The following ZMAT4 variants were observed in gnomAD, a reference collection of about 807,000 sequenced individuals.
ZMAT4 encodes zinc finger matrin-type 4.
Under a neutral mutation model 28.7 loss-of-function variants are expected in ZMAT4, and 17 were observed. That is an observed-to-expected ratio of 0.59 (90% CI 0.41 to 0.89). The LOEUF (loss-of-function observed/expected upper bound fraction) is 0.89, where lower values mean the gene tolerates loss of function less well. Among genes scored for constraint, ZMAT4 ranks in the 40% least tolerant of loss-of-function variants. The pLI is 0.00. For missense variants in ZMAT4, 240 were observed against 283.8 expected (o/e 0.85, Z 1.11); for synonymous variants, 117 against 109.2 (o/e 1.07, Z -0.44).
intron 3 of ZMAT4, among the ~76,000 whole-genome samples, chr8:40,767,358 C>T (rs979928132): frequency 6.6e-6 from 1 of 152,178 alleles, no homozygotes; most frequent in Non-Finnish European, 1.5e-5. Flanking sequence ...CCTGCCTCCC[C>T]TTACCCAGCC....
intron 1 of ZMAT4, 69 bp from the exon 2 acceptor site, chr8:40,825,749 A>T: frequency 7.8e-7 from 1 of 1,280,144 alleles, no homozygotes; most frequent in Non-Finnish European, 1.1e-6. Context: ...TATTAACCGT[A>T]TGAAAAGCCA....
intron 1 of ZMAT4, among the ~76,000 whole-genome samples, chr8:40,891,155 A>G (rs1024844239): frequency 4.5e-5 from 6 of 132,868 alleles, no homozygotes; most frequent in African/African-American, 1.7e-4. Context: ...CCATAATTGC[A>G]CCATTGCACT....
chr8:40,825,795 G>A (rs1816014018), intron 1 of ZMAT4, 115 bp from the exon 2 acceptor site: 3 of 732,912 alleles, frequency 4.1e-6, no homozygotes, highest in Non-Finnish European at 6.8e-6. Context: ...GGTGACAGAG[G>A]GGTGGATCTC....
intron 5 of ZMAT4, among the ~76,000 whole-genome samples, chr8:40,661,311 G>C (rs1808184549): frequency 6.6e-6 from 1 of 152,196 alleles, no homozygotes; most frequent in South Asian, 2.1e-4. Context: ...TGTTGGCCAG[G>C]CTGGTCTTGA....
chr8:40,684,735 A>G (rs924281319), intron 4 of ZMAT4, among the ~76,000 whole-genome samples: 3 of 152,198 alleles, frequency 2.0e-5, no homozygotes, highest in Admixed American at 2.0e-4. Flanking sequence ...CAGCAGAGAG[A>G]AAGTGCAGGC....
At chr8:40,814,688 C>T (rs899848378) in intron 2 of ZMAT4, among the ~76,000 whole-genome samples, 9 of 152,132 alleles carry the variant, frequency 5.9e-5, no homozygotes, top group Non-Finnish European at 1.3e-4. Flanking sequence ...AAAAATTAAG[C>T]TGCATCTATA....
chr8:40,646,191 A>T (rs532674358), intron 5 of ZMAT4, among the ~76,000 whole-genome samples: 8 of 151,938 alleles, frequency 5.3e-5, no homozygotes, highest in African/African-American at 1.9e-4. Context: ...TACTAAGATG[A>T]TTAAATTTAG....
rs571217293 is a variant in ZMAT4, at chr8:40,612,810, T to G, written c.578-31549A>C. ...CAGTCATTCTCTGTATTTTGGTTTT[T>G]GTTTTTTTTTTTTTTTTTTGAGACG... On this transcript the variant is annotated intron_variant, in intron 5 of 6. Transcript: ENST00000297737. Among the ~76,000 whole-genome samples the G allele has an allele frequency of 3.5e-5, 3 of 85,362 alleles. 1 individual carries two copies. The highest frequency in any genetic ancestry group is 1.1e-4 in the African/African-American group (3 of 28,028). The allele number at this position is 85,362 out of a possible 152,430, so 56.0% of individuals were successfully genotyped here. A position where few individuals can be genotyped will look rare whatever the true frequency, so the allele number is the denominator to read the frequency against.
chr8:40,731,233 T>C (rs1425179335), intron 3 of ZMAT4, among the ~76,000 whole-genome samples: 2 of 148,786 alleles, frequency 1.3e-5, no homozygotes, highest in Non-Finnish European at 3.0e-5. Context: ...CCCTGTATTT[T>C]TCTTTTTTGG....
At chr8:40,783,480 TA>T (rs777653742) in intron 2 of ZMAT4, among the ~76,000 whole-genome samples, 13 of 152,290 alleles carry the variant, frequency 8.5e-5, no homozygotes, top group Admixed American at 7.2e-4. Flanking sequence ...GGATGTGGTG[TA>T]AATGTTCTGG....
rs78031753 is a variant in ZMAT4, at chr8:40,679,253, A to C, written c.350-4322T>G. 3.5e-3 allele frequency among the ~76,000 whole-genome samples: 530 copies of C among 152,296 alleles called. 10 individuals carry two copies. In the East Asian group the frequency reaches 0.053, roughly 15 times the overall value. The stretch of plus-strand genomic sequence containing the variant: ...ATGTTGTCTTGAGTAATACTATAAA[A>C]TAATATGTATATTCATCTTATATTT... On this transcript the variant is annotated intron_variant, in intron 4 of 6. Transcript: ENST00000297737.
intron 1 of ZMAT4, among the ~76,000 whole-genome samples, chr8:40,826,775 C>T (rs1385220279): frequency 2.6e-5 from 4 of 152,082 alleles, no homozygotes; most frequent in Non-Finnish European, 5.9e-5. Context: ...ATTCCAAACC[C>T]GGAATCAAAA....
At chr8:40,842,614 T>C (rs187064007) in intron 1 of ZMAT4, among the ~76,000 whole-genome samples, 1 of 152,234 alleles carries the variant, frequency 6.6e-6, no homozygotes, top group Non-Finnish European at 1.5e-5. Context: ...TTACAAGTCA[T>C]CCTCACCTGC....
At position 40,551,819 on chromosome 8, in the gene ZMAT4, G is replaced by T. The variant is rs573723383; in HGVS notation, c.675-19581C>A. Reference sequence around the variant, plus strand: ...TAATTTCTCATTTTCAGAAATGAAAGTTGTGGCATGATAAAGTTTGAAAAC... The same window carrying T: ...TAATTTCTCATTTTCAGAAATGAAATTTGTGGCATGATAAAGTTTGAAAAC... On this transcript the variant is annotated intron_variant, in intron 6 of 6. Coordinates refer to ENST00000297737, the MANE Select transcript of ZMAT4 (RefSeq NM_024645.3). 4.6e-5 allele frequency among the ~76,000 whole-genome samples: 7 copies of T among 152,292 alleles called. No homozygotes were observed. In the South Asian group the frequency reaches 1.5e-3, roughly 32 times the overall value.
At chr8:40,603,410 CT>C (rs1032918161) in intron 5 of ZMAT4, among the ~76,000 whole-genome samples, 1 of 151,976 alleles carries the variant, frequency 6.6e-6, no homozygotes, top group Admixed American at 6.6e-5. Flanking sequence ...TATGCGGACT[CT>C]TTTTTTGGTT....
chr8:40,756,863 T>C (rs564540053), intron 3 of ZMAT4, among the ~76,000 whole-genome samples: 19 of 152,260 alleles, frequency 1.2e-4, no homozygotes, highest in Admixed American at 1.1e-3. Context: ...TGATATACAT[T>C]GGTGATCTGT....
chr8:40,569,888 G>A (rs1238108687), intron 6 of ZMAT4, among the ~76,000 whole-genome samples: 1 of 152,068 alleles, frequency 6.6e-6, no homozygotes. Context: ...TCTGCCAGCT[G>A]GAAAATAGAA....
At chr8:40,882,041 T>A (rs1818299048) in intron 1 of ZMAT4, among the ~76,000 whole-genome samples, 1 of 151,910 alleles carries the variant, frequency 6.6e-6, no homozygotes, top group South Asian at 2.1e-4. Flanking sequence ...GAAGGAAAGG[T>A]GAGGAGGGAG....
chr8:40,671,435 T>C lies in ZMAT4; in HGVS notation c.577+3269A>G, dbSNP rs559122128. Among the ~76,000 whole-genome samples the C allele has an allele frequency of 1.1e-4, 16 of 151,884 alleles. No homozygotes were observed. In the South Asian group the frequency reaches 3.3e-3, roughly 32 times the overall value. On this transcript the variant is annotated intron_variant, in intron 5 of 6. Coordinates refer to ENST00000297737, the MANE Select transcript of ZMAT4 (RefSeq NM_024645.3). The stretch of plus-strand genomic sequence containing the variant: ...ATCCAAAGTTCATCAATGAATAGAG[T>C]GGATAGACAAACTGTGGTATTTTTG...
Sources: allele counts gnomAD v4.1 joint callset (sites outside exome capture counted in the v4.1 genomes callset), GRCh38; gene constraint gnomAD v4.1.1; transcripts MANE v1.5; gene names NCBI Gene and HGNC (gene_info 2026-07-23, HGNC 2026-07-21).